Variants in EFCC1 observed in about 807,000 individuals in gnomAD.
EFCC1 encodes the protein EF-hand and coiled-coil domain-containing protein 1.
In EFCC1, 50 loss-of-function variants were observed where a neutral mutation model predicts 52.1. The ratio of observed to expected loss-of-function variants is 0.96; its 90% confidence interval spans 0.76 to 1.21. EFCC1 has a LOEUF of 1.21. EFCC1 is among the 50% of genes most tolerant of loss of function. EFCC1 has a pLI of 0.00. For missense variants in EFCC1, 837 were observed against 867.3 expected (o/e 0.97, Z 0.44); for synonymous variants, 399 against 396.5 (o/e 1.01, Z -0.08).
Position 129,038,906 on chromosome 3 carries a change from A to G in EFCC1, c.1663+6A>G, listed in dbSNP as rs749276603. On this transcript the variant is annotated splice_donor_region_variant and intron_variant, in intron 7 of 7. Transcript: ENST00000683648. ...TTTCAGGGACCCCACCCACGGTAGG[A>G]GAGCACCCTAGTCTCTCAGAGCCCA... 9 of 1,613,436 alleles carry G rather than the reference A, an allele frequency of 5.6e-6. No homozygotes were observed. In the African/African-American group the frequency reaches 1.2e-4, roughly 22 times the overall value.
At chr3:129,037,232 C>T in intron 6 of EFCC1, 115 bp downstream of exon 6, 1 of 1,355,742 alleles carries the variant, frequency 7.4e-7, no homozygotes, top group Non-Finnish European at 9.6e-7. Context: ...CAGCTGTTAT[C>T]CCATTTTACA....
In EFCC1 at chr3:129,014,447, T is replaced by G. The variant is rs1029349692; in HGVS notation, c.980+10370T>G. On this transcript the variant is annotated intron_variant, in intron 2 of 7. Transcript: ENST00000683648. The surrounding 1 kb of genome is among the most constrained non-coding windows in gnomAD (Gnocchi z 4.3). ...CTGGCAGCCAGGGCCGCCTTCTCCC[T>G]GTATCCTCGCGTGGTCTTCCTTCTG... Among the ~76,000 whole-genome samples, 3 of 152,232 alleles carry G rather than the reference T, an allele frequency of 2.0e-5. No individual in the cohort carries two copies. Among genetic ancestry groups the G allele is most frequent in the Admixed American group, 2.0e-4 (3 of 15,288 alleles).
chr3:129,019,383 AT>A (rs1184792557), intron 2 of EFCC1, among the ~76,000 whole-genome samples: 1 of 152,138 alleles, frequency 6.6e-6, no homozygotes. Flanking sequence ...CTCACATGGG[AT>A]TTAGAAGCCC....
chr3:129,004,049 C>A lies in EFCC1; in HGVS notation c.952C>A (p.Arg318=), dbSNP rs759442651. 275 of 1,510,658 alleles carry A rather than the reference C, an allele frequency of 1.8e-4. No individual in the cohort carries two copies. Among genetic ancestry groups the A allele is most frequent in the Middle Eastern group, 2.3e-4 (1 of 4,352 alleles). The allele number at this position is 1,510,658 out of a possible 1,614,324, so 93.6% of individuals were successfully genotyped here. A position where few individuals can be genotyped will look rare whatever the true frequency, so the allele number is the denominator to read the frequency against. Residue 318 remains arginine (R), a synonymous_variant, in exon 2 of 8, where the codon CGG becomes AGG. Transcript: ENST00000683648. ...QVPGLQRWVR[R]LEAELQRYRS... ...GCCCGGCTTGCAGCGCTGGGTGCGG[C>A]GGCTGGAGGCGGAGCTGCAACGCTA...
intron 2 of EFCC1, among the ~76,000 whole-genome samples, chr3:129,007,893 T>C (rs1945145412): frequency 6.6e-6 from 1 of 152,240 alleles, no homozygotes; most frequent in South Asian, 2.1e-4. Flanking sequence ...CATTCAACCA[T>C]ACTAATTTTA....
intron 2 of EFCC1, among the ~76,000 whole-genome samples, chr3:129,011,233 A>G (rs1945312539): frequency 6.6e-6 from 1 of 152,214 alleles, no homozygotes. Context: ...AAGTGCCTAT[A>G]ATAATGAAAG....
chr3:129,018,498 C>G (rs1431133554), intron 2 of EFCC1, among the ~76,000 whole-genome samples: 2 of 152,238 alleles, frequency 1.3e-5, no homozygotes. Flanking sequence ...TCTGGGACTG[C>G]TCCTGTGCAG....
At chr3:129,013,197 T>C (rs75484094) in intron 2 of EFCC1, among the ~76,000 whole-genome samples, 2,486 of 152,134 alleles carry the variant, frequency 0.016, 66 homozygotes, top group African/African-American at 0.056. Flanking sequence ...ATCGCCAGAT[T>C]GTTTTGACGG....
At chr3:129,029,983 G>A (rs536628061) in intron 2 of EFCC1, among the ~76,000 whole-genome samples, 1 of 151,470 alleles carries the variant, frequency 6.6e-6, no homozygotes, top group East Asian at 2.0e-4. Context: ...TCAGGAGTTC[G>A]AGACCAGCGG....
At position 129,001,965 on chromosome 3, in the gene EFCC1, GC is replaced by G; in HGVS notation, c.338del (p.Ala113GlyfsTer117). ...GNSRDVTPGD[A>X]AAELATDGDS... ...CTCCAGAGATGTGACCCCCGGGGATGCGGCCGCTGAGTTGGCCACGGACGGG... is the reference window on the plus strand; with the variant it reads ...CTCCAGAGATGTGACCCCCGGGGATGGGCCGCTGAGTTGGCCACGGACGGG... On this transcript the variant is annotated frameshift_variant, in exon 1 of 8. Transcript: ENST00000683648. LOFTEE classifies it high-confidence loss of function. 1 of 1,544,840 alleles carries G rather than the reference GC, an allele frequency of 6.5e-7. No homozygotes were observed. The highest frequency in any genetic ancestry group is 8.7e-7 in the Non-Finnish European group (1 of 1,144,660).
chr3:129,034,301 G>A lies in EFCC1; in HGVS notation c.1424G>A (p.Gly475Glu). 1 of 1,614,074 alleles carries A rather than the reference G, an allele frequency of 6.2e-7. No individual in the cohort carries two copies. Among genetic ancestry groups the A allele is most frequent in the Non-Finnish European group, 8.5e-7 (1 of 1,180,016 alleles). ...CAGCTGAGGACTCAGGGCTGCGGTGGGAGGACCCTGGGGACCTCTGAGGAG... is the reference window on the plus strand; with the variant it reads ...CAGCTGAGGACTCAGGGCTGCGGTGAGAGGACCCTGGGGACCTCTGAGGAG... ...VEQLRTQGCG[G>E]RTLGTSEEEA... Residue 475 changes from glycine (G) to glutamate (E), a missense_variant, in exon 5 of 8, where the codon GGG becomes GAG. Physicochemically the swap from Gly to Glu is moderately conservative, Grantham distance 98. Transcript: ENST00000683648.
At chr3:129,034,116 G>A in intron 4 of EFCC1, 48 bp from the exon 5 acceptor site, 1 of 1,611,372 alleles carries the variant, frequency 6.2e-7, no homozygotes, top group Non-Finnish European at 8.5e-7. Context: ...GACAGAGCGG[G>A]CTCTGGGAAG....
Position 129,039,741 on chromosome 3 carries a change from G to A in EFCC1, c.1693G>A (p.Asp565Asn). Residue 565 changes from aspartate to asparagine, a missense_variant, in exon 8 of 8, where the codon GAT becomes AAT. Transcript: ENST00000683648. ...EGRPSPAAIL[D>N]ALHQALAACQ... ...AAGGCCCAGCCCTGCAGCCATCCTGGATGCCCTGCACCAAGCCTTGGCTGC... is the reference window on the plus strand; with the variant it reads ...AAGGCCCAGCCCTGCAGCCATCCTGAATGCCCTGCACCAAGCCTTGGCTGC... 6.2e-7 allele frequency: 1 copy of A among 1,609,842 alleles called. No homozygotes were observed.
At chr3:129,011,691 G>A (rs1224677664) in intron 2 of EFCC1, among the ~76,000 whole-genome samples, 1 of 152,168 alleles carries the variant, frequency 6.6e-6, no homozygotes, top group Admixed American at 6.5e-5. Context: ...GCTCTCTGTC[G>A]AGGTGGCTGA....
At chr3:129,023,578 C>T (rs1399741361) in intron 2 of EFCC1, among the ~76,000 whole-genome samples, 2 of 152,120 alleles carry the variant, frequency 1.3e-5, no homozygotes, top group African/African-American at 2.4e-5. Flanking sequence ...ATGATCCACC[C>T]GCCTCGGCCT....
intron 2 of EFCC1, among the ~76,000 whole-genome samples, chr3:129,025,570 G>A (rs1025524966): frequency 2.0e-5 from 3 of 152,184 alleles, no homozygotes; most frequent in African/African-American, 7.2e-5. Flanking sequence ...GGCAGAGTAA[G>A]GGTGGTAGCT....
intron 2 of EFCC1, among the ~76,000 whole-genome samples, chr3:129,030,208 G>C (rs1946243228): frequency 6.6e-6 from 1 of 152,040 alleles, no homozygotes; most frequent in East Asian, 1.9e-4. Flanking sequence ...CAAACAAAAA[G>C]TAGCTGAAAC....
In EFCC1 at chr3:129,010,502, G is replaced by A. The variant is rs552651267; in HGVS notation, c.980+6425G>A. ...TGGGGGAGGGTGAAAAGGCTGGGAT[G>A]GAGGAAAGGGGGTGGGAGAGGGAGG... On this transcript the variant is annotated intron_variant, in intron 2 of 7. Coordinates refer to ENST00000683648, the MANE Select transcript of EFCC1 (RefSeq NM_001377500.1). The surrounding 1 kb of genome is among the most constrained non-coding windows in gnomAD (Gnocchi z 4.3). 1.1e-4 allele frequency among the ~76,000 whole-genome samples: 17 copies of A among 152,222 alleles called. No individual in the cohort carries two copies. The East Asian group carries it at 2.9e-3, about 26-fold the overall frequency.
rs1945474935 is a variant in EFCC1, at chr3:129,014,399, TCTC to T, written c.980+10325_980+10327del. 6.6e-6 allele frequency among the ~76,000 whole-genome samples: 1 copy of T among 152,154 alleles called. No homozygotes were observed. Among genetic ancestry groups the T allele is most frequent in the Non-Finnish European group, 1.5e-5 (1 of 68,036 alleles). On this transcript the variant is annotated intron_variant, in intron 2 of 7. Transcript: ENST00000683648. This position sits in a 1 kb window ranked among gnomAD's most constrained non-coding sequence, Gnocchi z 4.3. Reference sequence around the variant, plus strand: ...AGAGTGCGGTGTCGCAGCGTTGGCTTCTCCTGCGGCCTCTCTCCTGGGCTGGCA... The same window carrying T: ...AGAGTGCGGTGTCGCAGCGTTGGCTTCTGCGGCCTCTCTCCTGGGCTGGCA...
Sources: allele counts gnomAD v4.1 joint callset (sites outside exome capture counted in the v4.1 genomes callset), GRCh38; gene constraint gnomAD v4.1.1; non-coding constraint Gnocchi (gnomAD v3.1); transcripts MANE v1.5; gene names NCBI Gene and HGNC (gene_info 2026-07-23, HGNC 2026-07-21).